Variants in PES1 observed in about 807,000 individuals in gnomAD.
The protein encoded by PES1 is pescadillo homolog.
Under a neutral mutation model 77.1 loss-of-function variants are expected in PES1, and 31 were observed. That is an observed-to-expected ratio of 0.40 (90% CI 0.30 to 0.54). The LOEUF is 0.54. Ranked by LOEUF, PES1 falls within the 20% of genes least tolerant of loss-of-function variation. The probability of loss-of-function intolerance (pLI) is 0.45; values close to 1 mark genes in which losing one functional copy is unlikely to be tolerated. For synonymous variants in PES1, 282 were observed against 303.0 expected (o/e 0.93, Z 0.72); for missense variants, 658 against 771.7 (o/e 0.85, Z 1.75).
Position 30,605,472 on chromosome 22 carries a change from G to A in PES1, c.-672C>T, listed in dbSNP as rs546402309. 9.1e-6 allele frequency: 9 copies of A among 985,292 alleles called. No homozygotes were observed. The South Asian group carries it at 2.3e-4, about 26-fold the overall frequency. The allele number at this position is 985,292 out of a possible 1,614,324, so 61.0% of individuals were successfully genotyped here. ...CTGCTGCTTCTCACCAGAGGCTGAC[G>A]ATAACGAAGGCTATCCTCCATGGCC... On this transcript the variant is annotated 5_prime_UTR_variant, in exon 2 of 17. Transcript: ENST00000402281.
At position 30,584,535 on chromosome 22, in the gene PES1, C is replaced by T; in HGVS notation, c.540+11G>A. 1.2e-6 allele frequency: 2 copies of T among 1,609,860 alleles called. No individual in the cohort carries two copies. Among genetic ancestry groups the T allele is most frequent in the Non-Finnish European group, 1.7e-6 (2 of 1,177,978 alleles). ...CAGGGTGGGATGCCAGCCGGGCAGTCCCAGGCTCACCTTGCGCAGGGCACG... is the reference window on the plus strand; with the variant it reads ...CAGGGTGGGATGCCAGCCGGGCAGTTCCAGGCTCACCTTGCGCAGGGCACG... On this transcript the variant is annotated intron_variant, in intron 5 of 14. Transcript: ENST00000354694.
intron 2 of PES1, among the ~76,000 whole-genome samples, chr22:30,602,246 G>A (rs1274212890): frequency 6.6e-6 from 1 of 152,050 alleles, no homozygotes; most frequent in East Asian, 1.9e-4. Context: ...CAAGAGCTAT[G>A]GTTTTAAGTG....
At chr22:30,590,606 A>G (rs1794564095) in intron 1 of PES1, among the ~76,000 whole-genome samples, 1 of 152,172 alleles carries the variant, frequency 6.6e-6, no homozygotes, top group Non-Finnish European at 1.5e-5. Context: ...CTCTGTCACC[A>G]TGCTTATCCT....
In PES1 at chr22:30,579,881, G is replaced by A. The variant is rs766966200; in HGVS notation, c.1224C>T (p.Leu408=). The A allele has an allele frequency of 6.2e-7, 1 of 1,614,164 alleles. No homozygotes were observed. Among genetic ancestry groups the A allele is most frequent in the South Asian group, 1.1e-5 (1 of 91,078 alleles). ...CCCCAGAGAAGTACTCTGCCACGGG[G>A]AGAAGGAGCCTGGCGTTCACTGAGT... The part of the protein sequence containing the change: ...VFDSVNARLL[L]PVAEYFSGVQ... The change falls in exon 12 of 15, where the codon CTC becomes CTT. Residue 408 remains leucine, a synonymous_variant. Coordinates refer to ENST00000354694, the MANE Select transcript of PES1 (RefSeq NM_014303.4).
In PES1 at chr22:30,584,717, C is replaced by G; in HGVS notation, c.369G>C (p.Arg123=). ...GCAGGGCATCGATGAACGTGGGATA[C>G]CTGCATGGCCAGTGAGGCAGCACAT... The part of the protein sequence containing the change: ...NYKLDHIIKE[R]YPTFIDALRD... The change falls in exon 5 of 15, where the codon CGG becomes CGC. Residue 123 remains arginine (R), a splice_region_variant and synonymous_variant. Transcript: ENST00000354694. 1 of 1,613,382 alleles carries G rather than the reference C, an allele frequency of 6.2e-7. No individual in the cohort carries two copies. Among genetic ancestry groups the G allele is most frequent in the Non-Finnish European group, 8.5e-7 (1 of 1,179,948 alleles).
At chr22:30,592,153 G>A (rs1014217129), upstream of PES1, 6 of 1,153,964 alleles carry the variant, frequency 5.2e-6, no homozygotes, top group Non-Finnish European at 6.4e-6. Flanking sequence ...TTCATTGACT[G>A]TGAGCCTCGT....
intron 1 of PES1, among the ~76,000 whole-genome samples, chr22:30,605,779 C>T (rs756201890): frequency 2.0e-5 from 3 of 152,162 alleles, no homozygotes; most frequent in African/African-American, 4.8e-5. Flanking sequence ...CAAGTAGTTC[C>T]GTAAACAGAC....
At position 30,589,186 on chromosome 22, in the gene PES1, T is replaced by C. The variant is rs1170556800; in HGVS notation, c.104+5A>G. On this transcript the variant is annotated splice_donor_5th_base_variant and intron_variant, in intron 2 of 14. Coordinates refer to ENST00000354694, the MANE Select transcript of PES1 (RefSeq NM_014303.4). ...CCGGGCTTCCCACGGTCCCTCTATA[T>C]TCACCTAAAGTCAGCCAAGCTCAGC... 7 of 1,612,424 alleles carry C rather than the reference T, an allele frequency of 4.3e-6. No homozygotes were observed. Among genetic ancestry groups the C allele is most frequent in the Non-Finnish European group, 5.9e-6 (7 of 1,178,762 alleles).
intron 2 of PES1, among the ~76,000 whole-genome samples, chr22:30,597,278 T>C (rs11912540): frequency 0.17 from 25,427 of 151,648 alleles, 2,239 homozygotes; most frequent in African/African-American, 0.19. Context: ...GGCAGGCAGC[T>C]CCACCTGTCC....
intron 2 of PES1, among the ~76,000 whole-genome samples, chr22:30,599,849 G>A (rs1056768920): frequency 2.0e-5 from 3 of 152,104 alleles, no homozygotes; most frequent in Non-Finnish European, 4.4e-5. Flanking sequence ...GCGGTGAGCC[G>A]AGATTGAGCC....
In PES1 at chr22:30,578,991, C is replaced by A. The variant is rs748641630; in HGVS notation, c.1529G>T (p.Arg510Met). The change falls in exon 14 of 15, where the codon AGG becomes ATG. Residue 510 changes from arginine to methionine, a missense_variant. Physicochemically the swap from Arg to Met is moderately conservative, Grantham distance 91. Coordinates refer to ENST00000354694, the MANE Select transcript of PES1 (RefSeq NM_014303.4). ...CAGCTTCAAGGTGCCTGCCATCACCCTGGGCTTCTGGGGACACAAGGAGGG... is the reference window on the plus strand; with the variant it reads ...CAGCTTCAAGGTGCCTGCCATCACCATGGGCTTCTGGGGACACAAGGAGGG... ...EEQRMEGKKP[R>M]VMAGTLKLED... 5 of 1,610,356 alleles carry A rather than the reference C, an allele frequency of 3.1e-6. No homozygotes were observed. The South Asian group carries it at 5.5e-5, about 18-fold the overall frequency.
At chr22:30,591,947 G>A, upstream of PES1, 1 of 1,442,338 alleles carries the variant, frequency 6.9e-7, no homozygotes, top group South Asian at 1.4e-5. Flanking sequence ...GTCTGTTTGT[G>A]CGGGCTGCCC....
chr22:30,601,425 C>T (rs1228188094), intron 2 of PES1, among the ~76,000 whole-genome samples: 1 of 152,000 alleles, frequency 6.6e-6, no homozygotes, highest in African/African-American at 2.4e-5. Context: ...AGCGATTCTC[C>T]TGCCTCAGCC....
At chr22:30,597,876 A>ATTTTTTTTTTTTTTTTTTTTTTTTT (rs1210779167) in intron 2 of PES1, among the ~76,000 whole-genome samples, 14 of 125,160 alleles carry the variant, frequency 1.1e-4, no homozygotes, top group African/African-American at 3.7e-4. Context: ...ACGCAGTTGA[A>ATTTTTTTTTTTTTTTTTTTTTTTTT]GTTTTGTTTT....
chr22:30,591,704 C>T (rs919250238), intron 1 of PES1, 106 bp downstream of exon 1: 1 of 1,298,112 alleles, frequency 7.7e-7, no homozygotes, highest in Non-Finnish European at 1.1e-6. Context: ...ACGTCGATCC[C>T]GTCTTTCCAG....
intron 6 of PES1, among the ~76,000 whole-genome samples, chr22:30,582,431 C>T (rs1483233492): frequency 6.6e-6 from 1 of 152,172 alleles, no homozygotes; most frequent in African/African-American, 2.4e-5. Flanking sequence ...GGAAAAGGCA[C>T]AGAGCTGTCA....
At position 30,579,153 on chromosome 22, in the gene PES1, T is replaced by C. The variant is rs1236713558; in HGVS notation, c.1505A>G (p.Gln502Arg). 3 of 1,609,004 alleles carry C rather than the reference T, an allele frequency of 1.9e-6. No individual in the cohort carries two copies. The South Asian group carries it at 3.3e-5, about 18-fold the overall frequency. ...EEARLAALEE[Q>R]RMEGKKPRVM... ...TCCCCCTACCTTCCCCTCCATCCTC[T>C]GCTCTTCCAGGGCTGCCAGCCGGGC... Residue 502 changes from glutamine (Q) to arginine (R), a missense_variant, in exon 13 of 15, where the codon CAG (glutamine) becomes CGG (arginine). Gln to Arg is a conservative substitution (Grantham distance 43). Transcript: ENST00000354694.
intron 2 of PES1, among the ~76,000 whole-genome samples, chr22:30,598,929 C>CTTTTTTTTTTTT (rs1555893005): frequency 1.8e-5 from 1 of 54,054 alleles, no homozygotes; most frequent in African/African-American, 7.2e-5. Flanking sequence ...TGGAGTCCTG[C>CTTTTTTTTTTTT]TCTGTCATCC....
Position 30,587,395 on chromosome 22 carries a change from C to T in PES1, c.259G>A (p.Val87Met), listed in dbSNP as rs767014206. Residue 87 changes from valine (V) to methionine (M), a missense_variant and splice_region_variant, in exon 4 of 15, where the codon GTG becomes ATG. By Grantham distance (21) the Val-to-Met change is conservative. Transcript: ENST00000354694. Reference sequence around the variant, plus strand: ...GCCTTCCGGAGCTTCCGGACGAACACCTGGAAGAAAGAAAGAAAACACCTC... The same window carrying T: ...GCCTTCCGGAGCTTCCGGACGAACATCTGGAAGAAAGAAAGAAAACACCTC... ...PIVNKFREYK[V>M]FVRKLRKAYG... 3.1e-6 allele frequency: 5 copies of T among 1,611,398 alleles called. No homozygotes were observed. The highest frequency in any genetic ancestry group is 1.7e-5 in the Admixed American group (1 of 59,964).
Sources: allele counts gnomAD v4.1 joint callset (sites outside exome capture counted in the v4.1 genomes callset), GRCh38; gene constraint gnomAD v4.1.1; transcripts MANE v1.5; gene names NCBI Gene and HGNC (gene_info 2026-07-23, HGNC 2026-07-21).